The following OFD1 variants were observed in gnomAD, a reference collection of about 807,000 sequenced individuals.
OFD1 encodes the protein OFD1 centriole and centriolar satellite protein, also known as centriole and centriolar satellite protein OFD1.
In OFD1, 12 loss-of-function variants were observed where a neutral mutation model predicts 81.4. The ratio of observed to expected loss-of-function variants is 0.15; its 90% confidence interval spans 0.09 to 0.24. OFD1 has a LOEUF of 0.24. Ranked by LOEUF, OFD1 falls within the 10% of genes least tolerant of loss-of-function variation. OFD1 has a pLI of 1.00. For missense variants in OFD1, 685 were observed against 733.9 expected, an observed-to-expected ratio of 0.93 and a Z score of 0.77; for synonymous variants, 256 against 263.7, an observed-to-expected ratio of 0.97 and a Z score of 0.28.
chrX:13,750,243 A>G (rs2047451687), intron 9 of OFD1, among the ~76,000 whole-genome samples: 1 of 112,150 alleles, frequency 8.9e-6, no homozygotes, highest in African/African-American at 3.2e-5. Flanking sequence ...AGGTAAATTG[A>G]TCAAGAGAGA....
rs962377226 is a variant in OFD1 at position 13,746,369 on chromosome X, C to T, written c.568C>T (p.Arg190Cys). Residue 190 changes from arginine (R) to cysteine (C), a missense_variant, in exon 7 of 23, where the codon CGT becomes TGT. By Grantham distance (180) the Arg-to-Cys change is radical. Transcript: ENST00000340096. ...DDQFADAYPQRIKFESLEIKL... is the reference protein window; with the variant it reads ...DDQFADAYPQCIKFESLEIKL... ...TCAGTTTGCAGATGCTTACCCTCAGCGTATCAAGTTCGAATCTTTAGAAAT... is the reference window on the plus strand; with the variant it reads ...TCAGTTTGCAGATGCTTACCCTCAGTGTATCAAGTTCGAATCTTTAGAAAT... The T allele has an allele frequency of 5.0e-6, 6 of 1,201,701 alleles. No homozygotes were observed. Among genetic ancestry groups the T allele is most frequent in the East Asian group, 3.0e-5 (1 of 33,759 alleles).
chrX:13,765,098 G>T (rs2048077922), intron 19 of OFD1, among the ~76,000 whole-genome samples: 1 of 112,156 alleles, frequency 8.9e-6, no homozygotes, highest in African/African-American at 3.2e-5. Context: ...TATAATATTT[G>T]CTTTAAAAAT....
In OFD1 at chrX:13,760,387, G is replaced by A. The variant is rs1397283663; in HGVS notation, c.1927G>A (p.Glu643Lys). 3.3e-6 allele frequency: 4 copies of A among 1,208,766 alleles called. No individual in the cohort carries two copies. The highest frequency in any genetic ancestry group is 4.5e-6 in the Non-Finnish European group (4 of 893,824). ...ARVKELQQEA[E>K]RLEKAFRSYH... ...GGTCAAAGAGCTTCAGCAAGAGGCCGAACGCTTGGAAAAGGCTTTCAGAAG... is the reference window on the plus strand; with the variant it reads ...GGTCAAAGAGCTTCAGCAAGAGGCCAAACGCTTGGAAAAGGCTTTCAGAAG... Residue 643 changes from glutamate to lysine, a missense_variant, in exon 16 of 23, where the codon GAA (glutamate) becomes AAA (lysine). Glu to Lys is a moderately conservative substitution (Grantham distance 56). Coordinates refer to ENST00000340096, the MANE Select transcript of OFD1 (RefSeq NM_003611.3).
chrX:13,736,780 C>T (rs915342334), intron 3 of OFD1, 102 bp downstream of exon 3: 6 of 584,906 alleles, frequency 1.0e-5, no homozygotes, highest in Non-Finnish European at 1.7e-5. Flanking sequence ...CGACTAGGTC[C>T]ATTTCTGTTT....
intron 19 of OFD1, among the ~76,000 whole-genome samples, chrX:13,765,438 C>A: frequency 9.0e-6 from 1 of 111,450 alleles, no homozygotes; most frequent in African/African-American, 3.3e-5. Context: ...TCTTCTCTAG[C>A]AAGGAGGAAG....
In OFD1 at chrX:13,734,831, T is replaced by C; in HGVS notation, c.-241T>C. ...CCTCCAGCCGCCTTTGAGTCGTGCC[T>C]GGGTCCTCGCCCTTGCCTCAGAACC... On this transcript the variant is annotated 5_prime_UTR_variant, in exon 1 of 23. Coordinates refer to ENST00000340096, the MANE Select transcript of OFD1 (RefSeq NM_003611.3). The C allele has an allele frequency of 9.3e-7, 1 of 1,080,582 alleles. No homozygotes were observed. Among genetic ancestry groups the C allele is most frequent in the East Asian group, 3.3e-5 (1 of 29,958 alleles). The allele number at this position is 1,080,582 out of a possible 1,213,427, so 89.1% of individuals were successfully genotyped here.
intron 10 of OFD1, chrX:13,752,941 C>G (rs1394011101): frequency 1.1e-6 from 1 of 904,478 alleles, no homozygotes; most frequent in Admixed American, 4.8e-5. Flanking sequence ...AGTCCCTGAG[C>G]ACAAAAGTTC....
Position 13,735,096 on chromosome X carries a change from G to GC in OFD1, c.12+17dup. 1 of 1,201,651 alleles carries GC rather than the reference G, an allele frequency of 8.3e-7. No individual in the cohort carries two copies. The highest frequency in any genetic ancestry group is 1.1e-6 in the Non-Finnish European group (1 of 892,338). On this transcript the variant is annotated intron_variant, in intron 1 of 22. Transcript: ENST00000340096. Reference sequence around the variant, plus strand: ...GATGATGGCGCAGGTAGACACACCTGCCCCTTCTCGGGCGGAAATAAAGTC... The same window carrying GC: ...GATGATGGCGCAGGTAGACACACCTGCCCCCTTCTCGGGCGGAAATAAAGTC...
At chrX:13,756,839 C>T in intron 13 of OFD1, 72 bp downstream of exon 13, 2 of 813,293 alleles carry the variant, frequency 2.5e-6, no homozygotes, top group Non-Finnish European at 3.7e-6. Flanking sequence ...TAAAACTATG[C>T]TTTGTACTTG....
chrX:13,765,394 A>G (rs938314593), intron 19 of OFD1, among the ~76,000 whole-genome samples: 9 of 111,796 alleles, frequency 8.1e-5, no homozygotes, highest in Admixed American at 2.8e-4. Flanking sequence ...TATTCCATAT[A>G]AGAAAGCAAT....
At chrX:13,727,809 G>A in the OFD1 span, among the ~76,000 whole-genome samples, 9 of 111,755 alleles carry the variant, frequency 8.1e-5, no homozygotes, top group East Asian at 8.4e-4. Flanking sequence ...ATGAATCCAG[G>A]AGCTGGTTTT....
chrX:13,718,747 A>G, the OFD1 span, among the ~76,000 whole-genome samples: 130 of 112,422 alleles, frequency 1.2e-3, 1 homozygote, highest in African/African-American at 4.0e-3. Flanking sequence ...TAAAACATCA[A>G]TTCCTTAAAG....
At position 13,735,056 on chromosome X, in the gene OFD1, A is replaced by G. The variant is rs1266133914; in HGVS notation, c.-16A>G. The stretch of plus-strand genomic sequence containing the variant: ...GCGGGGCGAGCGAGGCGGGCTCCGG[A>G]GGGAGCTGACGCCTGATGATGGCGC... On this transcript the variant is annotated 5_prime_UTR_variant, in exon 1 of 23. Coordinates refer to ENST00000340096, the MANE Select transcript of OFD1 (RefSeq NM_003611.3). The G allele has an allele frequency of 8.4e-7, 1 of 1,188,136 alleles. No homozygotes were observed. The highest frequency in any genetic ancestry group is 1.1e-6 in the Non-Finnish European group (1 of 886,680).
chrX:13,739,145 A>T (rs1306699613), intron 5 of OFD1, 113 bp downstream of exon 5: 4 of 623,316 alleles, frequency 6.4e-6, no homozygotes, highest in South Asian at 2.7e-5. Flanking sequence ...GATTTAAATT[A>T]TTTGATTTCT....
chrX:13,755,945 C>CTTT (rs1225377556), intron 12 of OFD1, among the ~76,000 whole-genome samples: 3 of 69,749 alleles, frequency 4.3e-5, no homozygotes, highest in African/African-American at 1.8e-4. Flanking sequence ...CCTTTCTTTC[C>CTTT]CTTTTTTTTT....
chrX:13,757,162 A>T (rs1464269711), intron 13 of OFD1, among the ~76,000 whole-genome samples: 1 of 112,175 alleles, frequency 8.9e-6, no homozygotes, highest in Non-Finnish European at 1.9e-5. Flanking sequence ...TGGCCCTGTT[A>T]CTAGCCCACC....
chrX:13,719,248 C>CAA, the OFD1 span, among the ~76,000 whole-genome samples: 197 of 103,241 alleles, frequency 1.9e-3, no homozygotes, highest in Middle Eastern at 4.9e-3. Context: ...TTCCTTGTCT[C>CAA]AAAAAAAAAA....
rs1602917178 is a variant in OFD1, at chrX:13,762,577, A to G, written c.2488+133A>G. ...CATTATTATTTTGTGATACAACCAC[A>G]AGTACAGATGTATCACCTCATTTTT... On this transcript the variant is annotated intron_variant, in intron 18 of 22. Transcript: ENST00000340096. The G allele has an allele frequency of 6.5e-6, 3 of 461,141 alleles. No homozygotes were observed. The East Asian group carries it at 1.1e-4, about 17-fold the overall frequency. The allele number at this position is 461,141 out of a possible 1,213,427, so 38.0% of individuals were successfully genotyped here. A position where few individuals can be genotyped will look rare whatever the true frequency, so the allele number is the denominator to read the frequency against.
Position 13,768,759 on chromosome X carries a change from G to A in OFD1, c.2970G>A (p.Thr990=), listed in dbSNP as rs1602946302. 4 of 1,207,596 alleles carry A rather than the reference G, an allele frequency of 3.3e-6. No homozygotes were observed. Among genetic ancestry groups the A allele is most frequent in the African/African-American group, 1.7e-5 (1 of 57,153 alleles). ...TCCAAGAAGGCTCCCTAGTGGACAC[G>A]CTGCAATCTAGTGACAAAGTCGAAA... is the stretch of plus-strand genomic sequence containing the variant. ...KMVQEGSLVD[T]LQSSDKVESL... The change falls in exon 22 of 23, where the codon ACG becomes ACA. Residue 990 remains threonine, a synonymous_variant. Transcript: ENST00000340096.
Sources: gnomAD v4.1 joint callset for allele counts (sites outside exome capture counted in the v4.1 genomes callset) on GRCh38, gnomAD v4.1.1 for gene constraint, MANE v1.5 for transcripts, NCBI Gene and HGNC (gene_info 2026-07-23, HGNC 2026-07-21) for gene names.